EPHB1: variants seen among roughly 807,000 people sequenced by gnomAD.
EPHB1 encodes the protein ephrin type-B receptor 1.
Under a neutral mutation model 94.4 loss-of-function variants are expected in EPHB1, and 30 were observed. That is an observed-to-expected ratio of 0.32 (90% confidence interval 0.24 to 0.43). The LOEUF (loss-of-function observed/expected upper bound fraction) is 0.43. Ranked by LOEUF, EPHB1 falls within the 20% of genes least tolerant of loss-of-function variation. EPHB1 has a pLI of 1.00. For missense variants in EPHB1, 1,055 were observed against 1,308.3 expected (o/e 0.81, Z 2.99); for synonymous variants, 522 against 489.1 (o/e 1.07, Z -0.89).
At chr3:135,083,806 A>G (rs1938244988) in intron 3 of EPHB1, among the ~76,000 whole-genome samples, 4 of 152,126 alleles carry the variant, frequency 2.6e-5, no homozygotes. Flanking sequence ...TAGAGGCCAA[A>G]TGAGTCCATT....
rs947089321 is a variant in EPHB1 at position 135,118,795 on chromosome 3, G to A, written c.961+12192G>A. On this transcript the variant is annotated intron_variant, in intron 4 of 15. Transcript: ENST00000398015. ...CAGGGAGGCCCTAGCAACCCCTACC[G>A]AGTATACAGTTCCCCATGGGTGAGT... Among the ~76,000 whole-genome samples the A allele has an allele frequency of 7.2e-5, 11 of 152,176 alleles. No homozygotes were observed. The East Asian group carries it at 1.5e-3, about 21-fold the overall frequency.
chr3:134,799,854 C>T (rs186907759), intron 1 of EPHB1, among the ~76,000 whole-genome samples: 9 of 152,226 alleles, frequency 5.9e-5, no homozygotes, highest in East Asian at 1.9e-4. Context: ...TTTTACCCAT[C>T]GAGAAGTAAT....
At chr3:134,915,476 T>C (rs7651682) in intron 1 of EPHB1, among the ~76,000 whole-genome samples, 53,406 of 151,924 alleles carry the variant, frequency 0.35, 10,418 homozygotes, top group South Asian at 0.56. Context: ...TCCTCCCCGA[T>C]AGGTTCAGAG....
chr3:135,154,162 C>G lies in EPHB1; in HGVS notation c.1308C>G (p.Thr436=). Residue 436 remains threonine, a synonymous_variant, in exon 6 of 16, where the codon ACC becomes ACG. Transcript: ENST00000398015. ...TTTCTCTCTCCACAGCCCCCTCCAC[C>G]GTTCCCATCATGCACCAAGTCAGTG... ...NITTNQAAPS[T]VPIMHQVSAT... is the part of the protein sequence containing the mutation. 6.2e-7 allele frequency: 1 copy of G among 1,614,006 alleles called. No homozygotes were observed. Among genetic ancestry groups the G allele is most frequent in the East Asian group, 2.2e-5 (1 of 44,886 alleles).
chr3:135,192,839 G>A lies in EPHB1; in HGVS notation c.2130+16G>A, dbSNP rs769175827. 4 of 1,608,952 alleles carry A rather than the reference G, an allele frequency of 2.5e-6. No homozygotes were observed. In the South Asian group the frequency reaches 4.4e-5, roughly 18 times the overall value. On this transcript the variant is annotated intron_variant, in intron 11 of 15. Transcript: ENST00000398015. ...TTTCCTCAGGGTAAGAGCAACTCAG[G>A]GGTTTGATGATGCACTTGGATGCAG...
At chr3:134,911,148 G>A (rs146306235) in intron 1 of EPHB1, among the ~76,000 whole-genome samples, 3 of 152,312 alleles carry the variant, frequency 2.0e-5, no homozygotes, top group African/African-American at 7.2e-5. Context: ...GAATCATGCA[G>A]CAGGAAAGGC....
chr3:135,039,672 C>G (rs982227146), intron 3 of EPHB1, among the ~76,000 whole-genome samples: 12 of 152,360 alleles, frequency 7.9e-5, no homozygotes, highest in South Asian at 2.1e-4. Flanking sequence ...ACTGGCCCGG[C>G]TGCTAAGTCC....
chr3:135,030,815 C>T (rs1201995587), intron 3 of EPHB1, among the ~76,000 whole-genome samples: 4 of 152,204 alleles, frequency 2.6e-5, no homozygotes, highest in Non-Finnish European at 5.9e-5. Flanking sequence ...GGGCGCCCCT[C>T]CCCCAGCCTC....
chr3:134,888,037 G>A (rs1384754654), intron 1 of EPHB1, among the ~76,000 whole-genome samples: 1 of 152,200 alleles, frequency 6.6e-6, no homozygotes, highest in Non-Finnish European at 1.5e-5. Flanking sequence ...GGAGCGAGGG[G>A]TCAGTGTGTA....
At chr3:135,034,886 G>A (rs1936598248) in intron 3 of EPHB1, among the ~76,000 whole-genome samples, 1 of 152,228 alleles carries the variant, frequency 6.6e-6, no homozygotes, top group South Asian at 2.1e-4. Flanking sequence ...TGTAGGACCT[G>A]AATAGGATGC....
intron 3 of EPHB1, among the ~76,000 whole-genome samples, chr3:135,055,350 C>T (rs1937318563): frequency 6.6e-6 from 1 of 152,210 alleles, no homozygotes; most frequent in Admixed American, 6.5e-5. Flanking sequence ...TCACATCTCT[C>T]AGGCCCTCCC....
chr3:134,854,821 A>G (rs961623860), intron 1 of EPHB1, among the ~76,000 whole-genome samples: 18 of 152,062 alleles, frequency 1.2e-4, no homozygotes, highest in African/African-American at 3.6e-4. Flanking sequence ...TTTCTCACCT[A>G]TTTTTCTTTA....
chr3:134,988,638 T>C (rs1235787856), intron 3 of EPHB1, among the ~76,000 whole-genome samples: 3 of 152,216 alleles, frequency 2.0e-5, no homozygotes, highest in Non-Finnish European at 4.4e-5. Flanking sequence ...CCATGAGAGA[T>C]ACATGGTACA....
chr3:135,102,295 T>C (rs1225908959), intron 3 of EPHB1, among the ~76,000 whole-genome samples: 1 of 152,248 alleles, frequency 6.6e-6, no homozygotes, highest in South Asian at 2.1e-4. Flanking sequence ...CCGGCTGCTT[T>C]ATATTCTCAA....
At chr3:135,020,645 A>AT (rs1935958044) in intron 3 of EPHB1, among the ~76,000 whole-genome samples, 1 of 152,216 alleles carries the variant, frequency 6.6e-6, no homozygotes. Flanking sequence ...GCAGTTTTAA[A>AT]TTTTTATGTA....
intron 5 of EPHB1, among the ~76,000 whole-genome samples, chr3:135,149,793 T>C (rs907125903): frequency 6.6e-6 from 1 of 152,218 alleles, no homozygotes; most frequent in African/African-American, 2.4e-5. Context: ...CCTCATGTCA[T>C]TGCCATGAAT....
chr3:135,199,193 A>G (rs1942696687), intron 11 of EPHB1, among the ~76,000 whole-genome samples: 1 of 152,332 alleles, frequency 6.6e-6, no homozygotes, highest in Admixed American at 6.5e-5. Flanking sequence ...ACTGTTGCCT[A>G]TACTTACAGA....
intron 3 of EPHB1, among the ~76,000 whole-genome samples, chr3:134,982,280 TG>T (rs1381517340): frequency 6.6e-6 from 1 of 152,106 alleles, no homozygotes; most frequent in African/African-American, 2.4e-5. Flanking sequence ...TTCTGATCAT[TG>T]GATTCCTTTT....
intron 1 of EPHB1, among the ~76,000 whole-genome samples, chr3:134,912,849 T>C (rs1443039371): frequency 6.6e-6 from 1 of 152,212 alleles, no homozygotes; most frequent in Non-Finnish European, 1.5e-5. Context: ...TTCTTGGTTA[T>C]CTGGCTATGG....
Sources: allele counts gnomAD v4.1 joint callset (sites outside exome capture counted in the v4.1 genomes callset), GRCh38; gene constraint gnomAD v4.1.1; transcripts MANE v1.5; gene names NCBI Gene and HGNC (gene_info 2026-07-23, HGNC 2026-07-21).